Variants in MAP2 observed in about 807,000 individuals in gnomAD.
MAP2 encodes the protein microtubule-associated protein 2.
MAP2 carries 14 observed loss-of-function variants against 137.6 expected under a neutral mutation model. That is an observed-to-expected ratio of 0.10 (90% CI 0.07 to 0.16). The LOEUF is 0.16. Among genes scored for constraint, MAP2 ranks in the 10% least tolerant of loss-of-function variants. MAP2 has a pLI of 1.00. For missense variants in MAP2, 2,088 were observed against 2,191.5 expected, an observed-to-expected ratio of 0.95 and a Z score of 0.94; for synonymous variants, 786 against 782.3, an observed-to-expected ratio of 1.00 and a Z score of -0.08.
At chr2:209,583,654 T>C (rs1559353521) in intron 3 of MAP2, among the ~76,000 whole-genome samples, 1 of 152,102 alleles carries the variant, frequency 6.6e-6, no homozygotes, top group Non-Finnish European at 1.5e-5. Context: ...ATTAAGATTC[T>C]CTACTTGCAA....
chr2:209,555,947 T>G (rs2153322263), intron 2 of MAP2, among the ~76,000 whole-genome samples: 1 of 151,910 alleles, frequency 6.6e-6, no homozygotes, highest in South Asian at 2.1e-4. Flanking sequence ...ATCCTTTTAA[T>G]GGTATTAGTT....
intron 5 of MAP2, among the ~76,000 whole-genome samples, chr2:209,678,087 A>G (rs2052783768): frequency 6.6e-6 from 1 of 152,038 alleles, no homozygotes; most frequent in South Asian, 2.1e-4. Context: ...ATTCAAAATG[A>G]ACCCTCTCTT....
chr2:209,447,396 G>A (rs1304386159), intron 1 of MAP2, among the ~76,000 whole-genome samples: 4 of 151,946 alleles, frequency 2.6e-5, no homozygotes, highest in East Asian at 1.9e-4. Flanking sequence ...ATATTGGTCT[G>A]TTTGGGCTCA....
chr2:209,687,214 T>C (rs2057325320), intron 7 of MAP2, among the ~76,000 whole-genome samples: 1 of 150,236 alleles, frequency 6.7e-6, no homozygotes, highest in Non-Finnish European at 1.5e-5. Context: ...TTGTGCATCC[T>C]AGATAATTAA....
chr2:209,651,084 A>G (rs1010266401), intron 4 of MAP2, among the ~76,000 whole-genome samples: 5 of 152,220 alleles, frequency 3.3e-5, no homozygotes, highest in African/African-American at 9.6e-5. Flanking sequence ...AATCCTTCAC[A>G]TATATGAAGA....
chr2:209,606,302 G>T (rs947087235), intron 3 of MAP2, among the ~76,000 whole-genome samples: 1 of 152,200 alleles, frequency 6.6e-6, no homozygotes, highest in South Asian at 2.1e-4. Context: ...AAACTTCCAG[G>T]TGAGACTATT....
At chr2:209,532,379 T>A (rs1044329091) in intron 2 of MAP2, among the ~76,000 whole-genome samples, 13 of 152,174 alleles carry the variant, frequency 8.5e-5, no homozygotes, top group African/African-American at 3.1e-4. Flanking sequence ...ATCACATGCC[T>A]AATGCTAAGT....
intron 2 of MAP2, among the ~76,000 whole-genome samples, chr2:209,526,929 C>T (rs2064153658): frequency 1.3e-5 from 2 of 152,072 alleles, no homozygotes; most frequent in Admixed American, 1.3e-4. Context: ...AGCTGACTGA[C>T]TACAAAACCA....
At chr2:209,593,878 AATATATTTATATTATTAAAATATATAAGT>A (rs1300204854) in intron 3 of MAP2, among the ~76,000 whole-genome samples, 2 of 96,564 alleles carry the variant, frequency 2.1e-5, no homozygotes, top group Non-Finnish European at 4.0e-5. Flanking sequence ...ATATTATAAA[AATATATTTATATTATTAAAATATATAAGT>A]ATATATTTAT....
intron 2 of MAP2, among the ~76,000 whole-genome samples, chr2:209,515,599 G>A (rs1050766287): frequency 7.2e-5 from 11 of 151,980 alleles, no homozygotes; most frequent in African/African-American, 1.2e-4. Flanking sequence ...GGGAGAAACC[G>A]CGCCCATGAT....
intron 1 of MAP2, among the ~76,000 whole-genome samples, chr2:209,487,274 C>T (rs147324662): frequency 4.6e-5 from 7 of 152,214 alleles, no homozygotes; most frequent in South Asian, 2.1e-4. Flanking sequence ...GCTCCGTTTT[C>T]GCTTATTAGT....
rs1051071863 is a variant in MAP2 at position 209,731,160 on chromosome 2, G to A, written c.*763G>A. ...ACCCCCTTTCCATCTGTTTGATACA[G>A]TATTATAGATATAAATATATATATA... On this transcript the variant is annotated 3_prime_UTR_variant, in exon 16 of 16. Coordinates refer to ENST00000682079, the MANE Select transcript of MAP2 (RefSeq NM_001375505.1). The A allele has an allele frequency of 2.0e-5, 3 of 152,338 alleles. No individual in the cohort carries two copies. Among genetic ancestry groups the A allele is most frequent in the Non-Finnish European group, 2.9e-5 (2 of 68,012 alleles). The allele number at this position is 152,338 out of a possible 1,614,324, so 9.4% of individuals were successfully genotyped here.
At chr2:209,465,808 T>A (rs1484376909) in intron 1 of MAP2, among the ~76,000 whole-genome samples, 3 of 152,168 alleles carry the variant, frequency 2.0e-5, no homozygotes, top group Non-Finnish European at 4.4e-5. Flanking sequence ...CCTGTTCTAG[T>A]TGTGCAGAGG....
At chr2:209,521,723 T>C (rs187693037) in intron 2 of MAP2, among the ~76,000 whole-genome samples, 1 of 152,182 alleles carries the variant, frequency 6.6e-6, no homozygotes, top group East Asian at 1.9e-4. Context: ...TCTGAGCTGA[T>C]ATACCAGGAG....
intron 11 of MAP2, among the ~76,000 whole-genome samples, chr2:209,701,615 T>C (rs906351562): frequency 6.6e-6 from 1 of 152,056 alleles, no homozygotes; most frequent in African/African-American, 2.4e-5. Flanking sequence ...CCACTTTTAT[T>C]TATTATGAAA....
At chr2:209,724,980 T>C (rs527987965) in intron 13 of MAP2, among the ~76,000 whole-genome samples, 1 of 152,328 alleles carries the variant, frequency 6.6e-6, no homozygotes, top group South Asian at 2.1e-4. Flanking sequence ...CCCAAAACAA[T>C]AGTCTTAAAT....
At chr2:209,701,398 CA>C (rs2061716917) in intron 11 of MAP2, among the ~76,000 whole-genome samples, 1 of 150,950 alleles carries the variant, frequency 6.6e-6, no homozygotes, top group African/African-American at 2.4e-5. Flanking sequence ...TTTTAATGAC[CA>C]AAGCCAACAT....
At chr2:209,429,196 G>A (rs954156846) in intron 1 of MAP2, among the ~76,000 whole-genome samples, 22 of 151,780 alleles carry the variant, frequency 1.4e-4, no homozygotes, top group Non-Finnish European at 2.5e-4. Flanking sequence ...CTCGTGATCC[G>A]CCCGCCTCAG....
At chr2:209,723,795 A>C in intron 13 of MAP2, 11 of 716,898 alleles carry the variant, frequency 1.5e-5, no homozygotes, top group Non-Finnish European at 1.7e-5. Context: ...CTCCTTTCTC[A>C]CTGCTGTTCC....
Sources: allele counts gnomAD v4.1 joint callset (sites outside exome capture counted in the v4.1 genomes callset), GRCh38; gene constraint gnomAD v4.1.1; transcripts MANE v1.5; gene names NCBI Gene and HGNC (gene_info 2026-07-23, HGNC 2026-07-21).